The following FBXL17 variants were observed in gnomAD, a reference collection of about 807,000 sequenced individuals.
FBXL17 encodes F-box and leucine rich repeat protein 17.
In FBXL17, 22 loss-of-function variants were observed where a neutral mutation model predicts 66.2. The observed-to-expected ratio is 0.33, with a 90% CI of 0.24 to 0.47. FBXL17 has a LOEUF of 0.47. FBXL17 is among the 20% of genes least tolerant of loss of function. The pLI, the probability that FBXL17 is intolerant of heterozygous loss-of-function variation, is 1.00. For synonymous variants in FBXL17, 474 were observed against 400.5 expected (o/e 1.18, Z -2.19); for missense variants, 878 against 948.2 (o/e 0.93, Z 0.97).
chr5:107,960,367 T>C (rs75412163), intron 7 of FBXL17, among the ~76,000 whole-genome samples: 5 of 152,298 alleles, frequency 3.3e-5, no homozygotes, highest in Admixed American at 2.0e-4. Context: ...ACATTATTAC[T>C]AACCATATTC....
At chr5:108,166,195 A>C (rs1752408497) in intron 6 of FBXL17, among the ~76,000 whole-genome samples, 1 of 152,256 alleles carries the variant, frequency 6.6e-6, no homozygotes, top group Admixed American at 6.5e-5. Flanking sequence ...TAATTCAGAT[A>C]TATCAATAAT....
chr5:108,370,332 A>C (rs142103876), intron 1 of FBXL17, among the ~76,000 whole-genome samples: 1 of 152,312 alleles, frequency 6.6e-6, no homozygotes, highest in African/African-American at 2.4e-5. Flanking sequence ...TATGGACAAA[A>C]GTTGTAAACA....
intron 1 of FBXL17, among the ~76,000 whole-genome samples, chr5:108,377,229 T>TC (rs1327924090): frequency 6.6e-6 from 1 of 152,200 alleles, no homozygotes; most frequent in Non-Finnish European, 1.5e-5. Context: ...ACCTCAGGTC[T>TC]CCCCTACACA....
intron 8 of FBXL17, among the ~76,000 whole-genome samples, chr5:107,865,675 A>T (rs1561509967): frequency 6.6e-6 from 1 of 152,154 alleles, no homozygotes; most frequent in African/African-American, 2.4e-5. Context: ...TACTCTGTAA[A>T]TTCTAGGAAA....
At chr5:107,893,760 T>G (rs1749281427) in intron 7 of FBXL17, among the ~76,000 whole-genome samples, 1 of 152,114 alleles carries the variant, frequency 6.6e-6, no homozygotes, top group Non-Finnish European at 1.5e-5. Context: ...GACACCTAGG[T>G]GGTATTTCTT....
At chr5:108,144,953 G>T (rs1323018572) in intron 6 of FBXL17, among the ~76,000 whole-genome samples, 1 of 152,106 alleles carries the variant, frequency 6.6e-6, no homozygotes, top group Non-Finnish European at 1.5e-5. Flanking sequence ...AAATGCAAAT[G>T]TGATAGAGAA....
intron 8 of FBXL17, chr5:107,879,714 C>T (rs1748721249): frequency 1.0e-6 from 1 of 985,430 alleles, no homozygotes; most frequent in Non-Finnish European, 1.2e-6. Flanking sequence ...TATTTAGTTT[C>T]ACATTATTTT....
intron 4 of FBXL17, among the ~76,000 whole-genome samples, chr5:108,232,343 A>G: frequency 6.6e-6 from 1 of 152,172 alleles, no homozygotes; most frequent in South Asian, 2.1e-4. Flanking sequence ...TATTGTCTTT[A>G]TTTGAATATT....
At chr5:108,154,150 G>A (rs1191240699) in intron 6 of FBXL17, among the ~76,000 whole-genome samples, 3 of 151,724 alleles carry the variant, frequency 2.0e-5, no homozygotes, top group African/African-American at 7.3e-5. Context: ...CATTGAATTT[G>A]GATAGTGAAG....
intron 4 of FBXL17, among the ~76,000 whole-genome samples, chr5:108,309,535 G>T (rs572654060): frequency 2.6e-5 from 4 of 151,804 alleles, no homozygotes; most frequent in Non-Finnish European, 5.9e-5. Flanking sequence ...GAAAGCAAGA[G>T]AAAATTTTAA....
At chr5:108,181,206 T>C (rs907994427) in intron 6 of FBXL17, among the ~76,000 whole-genome samples, 4 of 152,214 alleles carry the variant, frequency 2.6e-5, no homozygotes, top group Admixed American at 6.5e-5. Flanking sequence ...TGTGAAATAA[T>C]AAAGACTGAT....
At chr5:107,934,701 G>A (rs1228424226) in intron 7 of FBXL17, among the ~76,000 whole-genome samples, 1 of 152,064 alleles carries the variant, frequency 6.6e-6, no homozygotes, top group Non-Finnish European at 1.5e-5. Context: ...TGGTGGAGAG[G>A]GAGAATCCCA....
chr5:108,323,113 G>A (rs1759693188), intron 4 of FBXL17, among the ~76,000 whole-genome samples: 1 of 151,308 alleles, frequency 6.6e-6, no homozygotes, highest in African/African-American at 2.4e-5. Context: ...AGAAATTAGA[G>A]GGGAAAAAAA....
intron 6 of FBXL17, among the ~76,000 whole-genome samples, chr5:108,044,366 G>C (rs974180588): frequency 1.3e-5 from 2 of 152,066 alleles, no homozygotes; most frequent in Admixed American, 6.5e-5. Context: ...GTCTGTTTCT[G>C]TCTTTCTGCA....
chr5:108,109,980 A>G (rs768771618), intron 6 of FBXL17, among the ~76,000 whole-genome samples: 6 of 152,190 alleles, frequency 3.9e-5, no homozygotes, highest in African/African-American at 7.2e-5. Context: ...GAATATTTCC[A>G]TTTAAAAGTC....
chr5:107,902,157 C>T (rs1749586537), intron 7 of FBXL17, among the ~76,000 whole-genome samples: 1 of 152,134 alleles, frequency 6.6e-6, no homozygotes, highest in Non-Finnish European at 1.5e-5. Flanking sequence ...CCGTACTATG[C>T]TGTGGTTTTT....
chr5:107,954,410 C>A (rs767505237), intron 7 of FBXL17, among the ~76,000 whole-genome samples: 32 of 152,160 alleles, frequency 2.1e-4, no homozygotes, highest in Non-Finnish European at 4.7e-4. Flanking sequence ...AAGAGCAGTT[C>A]AGAAAGCAGG....
chr5:107,983,486 G>A (rs1752903284), intron 7 of FBXL17, among the ~76,000 whole-genome samples: 1 of 151,816 alleles, frequency 6.6e-6, no homozygotes, highest in Non-Finnish European at 1.5e-5. Context: ...GAGCCACTGG[G>A]CCCACCCAGC....
At chr5:108,318,612 A>T (rs1490712365) in intron 4 of FBXL17, among the ~76,000 whole-genome samples, 1 of 152,002 alleles carries the variant, frequency 6.6e-6, no homozygotes, top group East Asian at 1.9e-4. Context: ...TCTCTCATCA[A>T]AACTGTATTT....
Sources: allele counts gnomAD v4.1 joint callset (sites outside exome capture counted in the v4.1 genomes callset), GRCh38; gene constraint gnomAD v4.1.1; transcripts MANE v1.5; gene names NCBI Gene and HGNC (gene_info 2026-07-23, HGNC 2026-07-21).